The following WNT7B variants were observed in gnomAD, a reference collection of about 807,000 sequenced individuals.
The protein encoded by WNT7B is protein Wnt-7b.
A neutral mutation model predicts 38.2 loss-of-function variants in WNT7B; 19 were observed. The observed-to-expected ratio is 0.50, with a 90% CI of 0.35 to 0.73. The LOEUF (loss-of-function observed/expected upper bound fraction) is 0.73. Among genes scored for constraint, WNT7B ranks in the 30% least tolerant of loss-of-function variants. The pLI, the probability that WNT7B is intolerant of heterozygous loss-of-function variation, is 0.01. For synonymous variants in WNT7B, 243 were observed against 209.3 expected (o/e 1.16, Z -1.39); for missense variants, 423 against 507.9 (o/e 0.83, Z 1.61).
chr22:45,925,093 CCCAAAGGCACATCAGATGAGTGCT>C (rs1931041651), intron 3 of WNT7B: 1 of 977,478 alleles, frequency 1.0e-6, no homozygotes, highest in Non-Finnish European at 1.2e-6. Flanking sequence ...GCTGGGTGGG[CCCAAAGGCACATCAGATGAGTGCT>C]GGGTGGGCCC....
rs1931930726 is a variant in WNT7B at position 45,951,434 on chromosome 22, T to C, written c.72-1288A>G. On this transcript the variant is annotated intron_variant, in intron 1 of 3. Transcript: ENST00000339464. The surrounding 1 kb of genome is among the most constrained non-coding windows in gnomAD (Gnocchi z 4.8). ...TAACATAAAATGAACCATTTTGAAG[T>C]GTACAGTTCTGTGGCATTTAATACA... Among the ~76,000 whole-genome samples, 1 of 152,154 alleles carries C rather than the reference T, an allele frequency of 6.6e-6. No homozygotes were observed. The highest frequency in any genetic ancestry group is 2.1e-4 in the South Asian group (1 of 4,824).
At chr22:45,937,958 G>A (rs555995196) in intron 2 of WNT7B, among the ~76,000 whole-genome samples, 12 of 152,132 alleles carry the variant, frequency 7.9e-5, no homozygotes, top group East Asian at 3.9e-4. Flanking sequence ...GCAGTGAGCC[G>A]AGACCGCGCC....
Position 45,922,955 on chromosome 22 carries a change from C to G in WNT7B, c.951G>C (p.Gln317His), listed in dbSNP as rs1463408937. The G allele has an allele frequency of 1.9e-6, 3 of 1,613,434 alleles. No individual in the cohort carries two copies. The highest frequency in any genetic ancestry group is 2.5e-6 in the Non-Finnish European group (3 of 1,179,868). ...AGTTGCACTGCCACACCTTGGTGTA[C>G]TGGTGGGTGTTGTAGCCTCGGCCGC... ...MCCGRGYNTH[Q>H]YTKVWQCNCK... The change falls in exon 4 of 4, where the codon CAG becomes CAC. Residue 317 changes from glutamine (Q) to histidine (H), a missense_variant. By Grantham distance (24) the Gln-to-His change is conservative (BLOSUM62 0). This residue lies in a region of WNT7B where 158 missense variants were observed against 214.7 expected (regional missense o/e 0.74). Coordinates refer to ENST00000339464, the MANE Select transcript of WNT7B (RefSeq NM_058238.3).
At chr22:45,939,660 C>G (rs1383206611) in intron 2 of WNT7B, among the ~76,000 whole-genome samples, 1 of 151,746 alleles carries the variant, frequency 6.6e-6, no homozygotes, top group Admixed American at 6.6e-5. Context: ...CACACACACA[C>G]ACACACACAC....
intron 1 of WNT7B, among the ~76,000 whole-genome samples, chr22:45,971,582 G>A (rs1932440276): frequency 6.6e-6 from 1 of 152,230 alleles, no homozygotes; most frequent in Non-Finnish European, 1.5e-5. Context: ...TCGCCCCCAG[G>A]TGAGGACTCG....
At chr22:45,946,414 C>G (rs1931797494) in intron 2 of WNT7B, among the ~76,000 whole-genome samples, 1 of 152,178 alleles carries the variant, frequency 6.6e-6, no homozygotes, top group African/African-American at 2.4e-5. Context: ...TGTTGGGGGG[C>G]CCCAGGTTTC....
intron 3 of WNT7B, 123 bp downstream of exon 3, chr22:45,930,975 A>C (rs1601718789): frequency 3.7e-6 from 5 of 1,351,976 alleles, no homozygotes; most frequent in Non-Finnish European, 3.9e-6. Flanking sequence ...AGACGGCCCC[A>C]CCCCCTGCAC....
intron 1 of WNT7B, among the ~76,000 whole-genome samples, chr22:45,960,184 G>A (rs765323485): frequency 2.6e-5 from 4 of 152,144 alleles, no homozygotes; most frequent in African/African-American, 7.2e-5. Flanking sequence ...ACTTTGGCCA[G>A]GTGGCCCCAG....
At chr22:45,947,999 T>C (rs1931836340) in intron 2 of WNT7B, among the ~76,000 whole-genome samples, 1 of 152,160 alleles carries the variant, frequency 6.6e-6, no homozygotes, top group Non-Finnish European at 1.5e-5. Context: ...CCATGTCTCA[T>C]GGTCCCAAAT....
intron 3 of WNT7B, chr22:45,927,677 C>G (rs1194450823): frequency 2.8e-6 from 2 of 714,160 alleles, no homozygotes; most frequent in East Asian, 5.4e-5. Flanking sequence ...GGGCAGATCA[C>G]CTGAGGTTAG....
intron 1 of WNT7B, among the ~76,000 whole-genome samples, chr22:45,959,181 G>T (rs1397476466): frequency 2.0e-5 from 3 of 152,206 alleles, no homozygotes; most frequent in African/African-American, 7.2e-5. Flanking sequence ...CCCCGCCTGT[G>T]CAGGCAGCAG....
chr22:45,931,311 G>T lies in WNT7B; in HGVS notation c.357C>A (p.Val119=). 3.1e-6 allele frequency: 5 copies of T among 1,597,420 alleles called. No homozygotes were observed. The highest frequency in any genetic ancestry group is 4.2e-6 in the Non-Finnish European group (5 of 1,179,118). The change falls in exon 3 of 4, where the codon GTC becomes GTA. Residue 119 remains valine (V), a synonymous_variant. Coordinates refer to ENST00000339464, the MANE Select transcript of WNT7B (RefSeq NM_058238.3). ...GGTTCCCTTGGCTGCAGGCAGCGGT[G>T]ACGGCGTGCGCCACGCCAGCCGCGG... ...AITAAGVAHA[V]TAACSQGNLS...
intron 3 of WNT7B, among the ~76,000 whole-genome samples, chr22:45,929,866 A>AT (rs368030712): frequency 2.0e-5 from 3 of 150,336 alleles, no homozygotes; most frequent in African/African-American, 7.4e-5. Context: ...CCTTCCATCC[A>AT]TCCATCCAAC....
At chr22:45,962,538 G>C (rs1469880718) in intron 1 of WNT7B, among the ~76,000 whole-genome samples, 1 of 152,184 alleles carries the variant, frequency 6.6e-6, no homozygotes, top group Non-Finnish European at 1.5e-5. Context: ...AAGTCCACCA[G>C]GGTCTCTCTC....
At chr22:45,930,943 G>C (rs1931328267) in intron 3 of WNT7B, among the ~76,000 whole-genome samples, 155 bp downstream of exon 3, 1 of 152,190 alleles carries the variant, frequency 6.6e-6, no homozygotes, top group African/African-American at 2.4e-5. Context: ...GGGAGGCTCA[G>C]AGCCATGCAC....
At chr22:45,942,287 G>C (rs1034473694) in intron 2 of WNT7B, among the ~76,000 whole-genome samples, 1 of 152,224 alleles carries the variant, frequency 6.6e-6, no homozygotes, top group Non-Finnish European at 1.5e-5. Flanking sequence ...TGGAAGAGAA[G>C]CTCAGGGCCC....
chr22:45,940,400 G>A (rs1234033134), intron 2 of WNT7B, among the ~76,000 whole-genome samples: 1 of 152,042 alleles, frequency 6.6e-6, no homozygotes, highest in Non-Finnish European at 1.5e-5. Context: ...TGCAAAGTCT[G>A]CCTTGTGCCT....
chr22:45,950,990 C>T (rs1236928975), intron 1 of WNT7B, among the ~76,000 whole-genome samples: 2 of 152,268 alleles, frequency 1.3e-5, no homozygotes, highest in Non-Finnish European at 2.9e-5. Context: ...TAGCAACTCT[C>T]AGGACCTGAA....
intron 2 of WNT7B, among the ~76,000 whole-genome samples, chr22:45,932,424 C>T (rs543786226): frequency 5.3e-5 from 8 of 152,224 alleles, no homozygotes; most frequent in East Asian, 3.9e-4. Flanking sequence ...AGACCCCCCC[C>T]GCCAGAAGGG....
Sources: allele counts gnomAD v4.1 joint callset (sites outside exome capture counted in the v4.1 genomes callset), GRCh38; gene constraint gnomAD v4.1.1; regional missense constraint gnomAD v4.1.1; non-coding constraint Gnocchi (gnomAD v3.1); transcripts MANE v1.5; gene names NCBI Gene and HGNC (gene_info 2026-07-23, HGNC 2026-07-21).